CDH20: variants seen among roughly 807,000 people sequenced by gnomAD.
CDH20 encodes cadherin-20.
Under a neutral mutation model 74.2 loss-of-function variants are expected in CDH20, and 29 were observed. The ratio of observed to expected loss-of-function variants is 0.39; its 90% confidence interval spans 0.29 to 0.53. CDH20 has a LOEUF of 0.53. Ranked by LOEUF, CDH20 falls within the 20% of genes least tolerant of loss-of-function variation. The probability of loss-of-function intolerance (pLI) is 0.69; values close to 1 mark genes in which losing one functional copy is unlikely to be tolerated. For synonymous variants in CDH20, 469 were observed against 405.4 expected (o/e 1.16, Z -1.88); for missense variants, 988 against 1,048.3 (o/e 0.94, Z 0.79).
At chr18:61,393,486 A>T (rs1031321602) in intron 1 of CDH20, among the ~76,000 whole-genome samples, 2 of 152,216 alleles carry the variant, frequency 1.3e-5, no homozygotes, top group Admixed American at 6.5e-5. Flanking sequence ...AAGGTGAAGG[A>T]TATTTGAAAA....
chr18:61,377,707 C>A (rs1029526633), intron 1 of CDH20, among the ~76,000 whole-genome samples: 2 of 151,904 alleles, frequency 1.3e-5, no homozygotes, highest in East Asian at 3.9e-4. Context: ...GGATTCCTAC[C>A]TCAGCAGCTC....
chr18:61,356,009 T>G (rs1910485009), intron 1 of CDH20, among the ~76,000 whole-genome samples: 1 of 152,204 alleles, frequency 6.6e-6, no homozygotes, highest in African/African-American at 2.4e-5. Flanking sequence ...TCATTCTTCA[T>G]CATTCAAGAA....
chr18:61,341,591 G>C (rs913829130), intron 1 of CDH20, among the ~76,000 whole-genome samples: 1 of 152,134 alleles, frequency 6.6e-6, no homozygotes, highest in Non-Finnish European at 1.5e-5. Flanking sequence ...CTGCATCAAA[G>C]ACTTCACATC....
At chr18:61,346,116 G>A (rs1910108126) in intron 1 of CDH20, among the ~76,000 whole-genome samples, 2 of 152,134 alleles carry the variant, frequency 1.3e-5, no homozygotes, top group African/African-American at 4.8e-5. Flanking sequence ...AGAAGTCATT[G>A]GCTAGGTATT....
chr18:61,338,903 C>T (rs1017152628), intron 1 of CDH20, among the ~76,000 whole-genome samples: 1 of 152,090 alleles, frequency 6.6e-6, no homozygotes, highest in Non-Finnish European at 1.5e-5. Flanking sequence ...TAGAATCTTG[C>T]TCATAATAGA....
intron 5 of CDH20, among the ~76,000 whole-genome samples, chr18:61,504,691 G>A (rs965570159): frequency 1.3e-5 from 2 of 152,014 alleles, no homozygotes; most frequent in Admixed American, 1.3e-4. Context: ...CTAGGGAAAC[G>A]GGGCTTAAAA....
intron 1 of CDH20, among the ~76,000 whole-genome samples, chr18:61,453,257 A>G (rs554128931): frequency 6.6e-6 from 1 of 152,188 alleles, no homozygotes; most frequent in East Asian, 1.9e-4. Flanking sequence ...AAGGAACCAC[A>G]TGAGGCCTAA....
intron 1 of CDH20, among the ~76,000 whole-genome samples, chr18:61,467,769 C>T (rs879773186): frequency 2.6e-5 from 4 of 152,122 alleles, no homozygotes; most frequent in Admixed American, 6.5e-5. Flanking sequence ...CATTGGAAAC[C>T]GTCTGGGCCT....
At chr18:61,342,953 G>T (rs1273008037) in intron 1 of CDH20, among the ~76,000 whole-genome samples, 1 of 152,186 alleles carries the variant, frequency 6.6e-6, no homozygotes, top group Non-Finnish European at 1.5e-5. Flanking sequence ...CATACTGGGT[G>T]ATCAGGGGAT....
chr18:61,389,907 T>C (rs951564208), intron 1 of CDH20, among the ~76,000 whole-genome samples: 1 of 152,212 alleles, frequency 6.6e-6, no homozygotes, highest in Non-Finnish European at 1.5e-5. Context: ...TATATTTATT[T>C]TCTCTCTTTC....
At chr18:61,452,587 C>T (rs1026153809) in intron 1 of CDH20, among the ~76,000 whole-genome samples, 4 of 152,250 alleles carry the variant, frequency 2.6e-5, no homozygotes, top group South Asian at 2.1e-4. Context: ...TACCACGAAT[C>T]GCCATATACA....
chr18:61,364,732 C>T (rs1910805936), intron 1 of CDH20, among the ~76,000 whole-genome samples: 2 of 152,236 alleles, frequency 1.3e-5, no homozygotes, highest in South Asian at 2.1e-4. Context: ...TCCCCTTCCA[C>T]AATGAATGGA....
Position 61,406,192 on chromosome 18 carries a change from T to C in CDH20, c.-153+72365T>C, listed in dbSNP as rs148704723. On this transcript the variant is annotated intron_variant, in intron 1 of 11. Transcript: ENST00000262717. ...ATTTGGGCCCATTTTTGTTCAAGTA[T>C]GAAGGTGAATTTTTCATGTATTATT... Among the ~76,000 whole-genome samples, 365 of 152,328 alleles carry C rather than the reference T, an allele frequency of 2.4e-3. 1 individual carries two copies. Among genetic ancestry groups the C allele is most frequent in the African/African-American group, 8.2e-3 (343 of 41,578 alleles).
intron 1 of CDH20, among the ~76,000 whole-genome samples, chr18:61,434,690 T>C (rs1450428452): frequency 6.6e-6 from 1 of 152,136 alleles, no homozygotes; most frequent in Non-Finnish European, 1.5e-5. Context: ...CCAAGCTCCC[T>C]GAGCCAGAAC....
At chr18:61,373,399 A>G (rs1294528040) in intron 1 of CDH20, among the ~76,000 whole-genome samples, 1 of 151,948 alleles carries the variant, frequency 6.6e-6, no homozygotes, top group Non-Finnish European at 1.5e-5. Context: ...TCCCCTAATG[A>G]CTATTACCCG....
intron 8 of CDH20, among the ~76,000 whole-genome samples, chr18:61,538,118 C>A: frequency 6.6e-6 from 1 of 152,172 alleles, no homozygotes. Flanking sequence ...GTGTTTGATC[C>A]TGTAATATCC....
At chr18:61,357,785 T>TA (rs1335024532) in intron 1 of CDH20, among the ~76,000 whole-genome samples, 1 of 152,072 alleles carries the variant, frequency 6.6e-6, no homozygotes, top group African/African-American at 2.4e-5. Flanking sequence ...AAATTTTGGG[T>TA]AAGGAGAGGA....
chr18:61,496,711 A>G (rs1911178668), intron 2 of CDH20, among the ~76,000 whole-genome samples: 1 of 152,214 alleles, frequency 6.6e-6, no homozygotes, highest in African/African-American at 2.4e-5. Flanking sequence ...GTTTTATTTG[A>G]TAAATAGAGC....
chr18:61,507,689 T>TAAA, intron 6 of CDH20, 129 bp downstream of exon 6: 2 of 465,222 alleles, frequency 4.3e-6, no homozygotes, highest in South Asian at 5.1e-5. Context: ...TCCTATTATT[T>TAAA]AAAAAAAAAA....
Sources: allele counts gnomAD v4.1 joint callset (sites outside exome capture counted in the v4.1 genomes callset), GRCh38; gene constraint gnomAD v4.1.1; transcripts MANE v1.5; gene names NCBI Gene and HGNC (gene_info 2026-07-23, HGNC 2026-07-21).